ARHGAP20: variants seen among roughly 807,000 people sequenced by gnomAD.
ARHGAP20 encodes the protein Rho GTPase activating protein 20.
A neutral mutation model predicts 73.7 loss-of-function variants in ARHGAP20; 34 were observed. The ratio of observed to expected loss-of-function variants is 0.46; its 90% CI spans 0.35 to 0.61. ARHGAP20 has a LOEUF of 0.61. Among genes scored for constraint, ARHGAP20 ranks in the 20% least tolerant of loss-of-function variants. The pLI is 0.00. For synonymous variants in ARHGAP20, 523 were observed against 518.2 expected, an observed-to-expected ratio of 1.01 and a Z score of -0.13; for missense variants, 1,314 against 1,420.9, an observed-to-expected ratio of 0.92 and a Z score of 1.21.
At chr11:110,635,170 A>G (rs934505616) in intron 2 of ARHGAP20, among the ~76,000 whole-genome samples, 103 of 152,250 alleles carry the variant, frequency 6.8e-4, no homozygotes, top group African/African-American at 2.3e-3. Context: ...TATGAGGACC[A>G]TACCCTATCC....
At chr11:110,603,090 G>A (rs1948146970) in intron 9 of ARHGAP20, among the ~76,000 whole-genome samples, 1 of 152,150 alleles carries the variant, frequency 6.6e-6, no homozygotes, top group African/African-American at 2.4e-5. Context: ...TGAAAAATAT[G>A]GAAATCTATC....
intron 12 of ARHGAP20, among the ~76,000 whole-genome samples, chr11:110,584,900 T>C (rs901247580): frequency 4.2e-5 from 6 of 142,332 alleles, no homozygotes; most frequent in South Asian, 2.2e-4. Context: ...AAAATGAATA[T>C]ATGTGAATAT....
At chr11:110,630,377 G>A (rs779563983) in intron 3 of ARHGAP20, among the ~76,000 whole-genome samples, 9 of 152,060 alleles carry the variant, frequency 5.9e-5, no homozygotes, top group South Asian at 2.1e-4. Context: ...AGCAGGGACC[G>A]TACCCATCAC....
In ARHGAP20 at chr11:110,617,403, C is replaced by T. The variant is rs559472110; in HGVS notation, c.504-1809G>A. 3.3e-5 allele frequency among the ~76,000 whole-genome samples: 5 copies of T among 152,018 alleles called. No individual in the cohort carries two copies. The East Asian group carries it at 7.8e-4, about 24-fold the overall frequency. ...TCAGCCTCCCAAGTAGCTGGGATTA[C>T]AGGCATGTGCCACCACGCCTGGCTA... is the stretch of plus-strand genomic sequence containing the variant. On this transcript the variant is annotated intron_variant, in intron 4 of 14. Coordinates refer to ENST00000683387, the MANE Select transcript of ARHGAP20 (RefSeq NM_001384657.1).
chr11:110,620,312 C>A (rs1443997788), intron 4 of ARHGAP20, among the ~76,000 whole-genome samples: 7 of 151,990 alleles, frequency 4.6e-5, no homozygotes, highest in Non-Finnish European at 7.4e-5. Context: ...ACCATGCCTG[C>A]ATAATATTTT....
upstream of ARHGAP20, chr11:110,712,710 G>A (rs1950699036): frequency 6.6e-6 from 1 of 152,506 alleles, no homozygotes; most frequent in Admixed American, 6.5e-5. Flanking sequence ...GGGGCCTCTA[G>A]TGCACGGACA....
At chr11:110,582,195 T>C (rs550799323) in intron 14 of ARHGAP20, 126 bp downstream of exon 14, 41 of 780,752 alleles carry the variant, frequency 5.3e-5, no homozygotes, top group African/African-American at 8.7e-5. Context: ...CTGGGCCCCA[T>C]TGACCTGGAT....
chr11:110,680,528 A>C (rs2135092069), intron 2 of ARHGAP20, among the ~76,000 whole-genome samples: 1 of 152,298 alleles, frequency 6.6e-6, no homozygotes, highest in East Asian at 1.9e-4. Flanking sequence ...GGGGTGAGGA[A>C]GGGCAAATAA....
intron 3 of ARHGAP20, among the ~76,000 whole-genome samples, chr11:110,628,413 A>T (rs1275695631): frequency 6.6e-6 from 1 of 152,168 alleles, no homozygotes; most frequent in East Asian, 1.9e-4. Flanking sequence ...GTTCTTTCAT[A>T]TTAAGAAGGA....
At chr11:110,632,562 G>A (rs749378514) in intron 2 of ARHGAP20, among the ~76,000 whole-genome samples, 7 of 151,992 alleles carry the variant, frequency 4.6e-5, no homozygotes, top group Non-Finnish European at 4.4e-5. Context: ...GCACCACCAC[G>A]CCCAACTAAT....
chr11:110,634,742 C>T (rs151263822), intron 2 of ARHGAP20, among the ~76,000 whole-genome samples: 38 of 152,022 alleles, frequency 2.5e-4, no homozygotes, highest in African/African-American at 8.7e-4. Context: ...AAACATGTAT[C>T]CAAAAGGTGG....
intron 1 of ARHGAP20, among the ~76,000 whole-genome samples, chr11:110,701,345 A>AG (rs1440081340): frequency 6.6e-6 from 1 of 151,604 alleles, no homozygotes; most frequent in Non-Finnish European, 1.5e-5. Flanking sequence ...AGTGATGGTG[A>AG]GCATTTTTTC....
intron 9 of ARHGAP20, among the ~76,000 whole-genome samples, chr11:110,597,302 A>G (rs1483534816): frequency 6.6e-6 from 1 of 151,582 alleles, no homozygotes; most frequent in Non-Finnish European, 1.5e-5. Context: ...ATTAAAAAAA[A>G]AAAAACTGAA....
chr11:110,698,892 C>G (rs868798780), intron 1 of ARHGAP20, among the ~76,000 whole-genome samples: 1 of 151,512 alleles, frequency 6.6e-6, no homozygotes, highest in Non-Finnish European at 1.5e-5. Context: ...TCCTTTATAT[C>G]TTTTTTTGTC....
chr11:110,680,072 C>T (rs1351700754), intron 2 of ARHGAP20, among the ~76,000 whole-genome samples: 1 of 152,076 alleles, frequency 6.6e-6, no homozygotes, highest in African/African-American at 2.4e-5. Flanking sequence ...TGACAGGAGA[C>T]CCTAAAGATT....
At chr11:110,636,670 A>C (rs1442433122) in intron 2 of ARHGAP20, among the ~76,000 whole-genome samples, 1 of 152,066 alleles carries the variant, frequency 6.6e-6, no homozygotes, top group Non-Finnish European at 1.5e-5. Context: ...TTCATTCCAT[A>C]CACTAAAATA....
chr11:110,586,717 C>T (rs1432724681), intron 11 of ARHGAP20, among the ~76,000 whole-genome samples: 4 of 152,160 alleles, frequency 2.6e-5, no homozygotes, highest in African/African-American at 4.8e-5. Flanking sequence ...GGTTCATTGT[C>T]TGGTAGTCAT....
At chr11:110,601,500 T>C (rs1032381114) in intron 9 of ARHGAP20, among the ~76,000 whole-genome samples, 1 of 152,204 alleles carries the variant, frequency 6.6e-6, no homozygotes, top group Non-Finnish European at 1.5e-5. Context: ...ATAGAGTCTT[T>C]AGCTGGCATG....
At position 110,660,097 on chromosome 11, in the gene ARHGAP20, T is replaced by C. The variant is rs184380016; in HGVS notation, c.189-29305A>G. ...AAAAAAAGAAAATACCCTAGGTCAG[T>C]GGTTGTCAAATTTTTAAGCCTATAT... On this transcript the variant is annotated intron_variant, in intron 2 of 14. Coordinates refer to ENST00000683387, the MANE Select transcript of ARHGAP20 (RefSeq NM_001384657.1). Among the ~76,000 whole-genome samples, 25 of 145,582 alleles carry C rather than the reference T, an allele frequency of 1.7e-4. No individual in the cohort carries two copies. In the East Asian group the frequency reaches 2.2e-3, roughly 13 times the overall value.
Sources: allele counts gnomAD v4.1 joint callset (sites outside exome capture counted in the v4.1 genomes callset), GRCh38; gene constraint gnomAD v4.1.1; transcripts MANE v1.5; gene names NCBI Gene and HGNC (gene_info 2026-07-23, HGNC 2026-07-21).